Variants in REG1B observed in about 807,000 individuals in gnomAD.
The protein encoded by REG1B is lithostathine-1-beta.
Under a neutral mutation model 20.4 loss-of-function variants are expected in REG1B, and 21 were observed. The observed-to-expected ratio is 1.03, with a 90% confidence interval of 0.73 to 1.48. The LOEUF (loss-of-function observed/expected upper bound fraction) is 1.48, where lower values mean the gene tolerates loss of function less well. Among genes scored for constraint, REG1B ranks in the 40% most tolerant of loss-of-function variants. The pLI is 0.00. For synonymous variants in REG1B, 82 were observed against 73.4 expected (o/e 1.12, Z -0.60); for missense variants, 247 against 197.2 (o/e 1.25, Z -1.51).
intron 3 of REG1B, 78 bp downstream of exon 3, chr2:79,086,731 TGCA>T: frequency 7.1e-7 from 1 of 1,408,498 alleles, no homozygotes; most frequent in Non-Finnish European, 1.0e-6. Flanking sequence ...CTTATCTCAT[TGCA>T]GCCACAGAAC....
Position 79,087,574 on chromosome 2 carries a change from G to A in REG1B, c.39C>T (p.Ser13=). The A allele has an allele frequency of 6.2e-7, 1 of 1,613,916 alleles. No individual in the cohort carries two copies. The highest frequency in any genetic ancestry group is 1.3e-5 in the African/African-American group (1 of 75,020). ...CTTGGCTCAGAGACAGGAACATCAG[G>A]GAGGAGATCAGCATGAAGAACGAGT... The part of the protein sequence containing the change: ...QTNSFFMLIS[S]LMFLSLSQGQ... The change falls in exon 2 of 6, where the codon TCC becomes TCT. Residue 13 remains serine (S), a synonymous_variant. Transcript: ENST00000305089.
chr2:79,087,712 T>C, intron 1 of REG1B, 54 bp from the exon 2 acceptor site: 1 of 1,120,010 alleles, frequency 8.9e-7, no homozygotes, highest in Non-Finnish European at 1.3e-6. Flanking sequence ...GCACCTGTTA[T>C]CTTTCTAACA....
intron 2 of REG1B, 122 bp from the exon 3 acceptor site, chr2:79,087,052 C>T (rs755371939): frequency 6.6e-5 from 51 of 771,554 alleles, no homozygotes; most frequent in Admixed American, 1.3e-4. Flanking sequence ...AATACTGGGG[C>T]GATTGCTCAC....
intron 2 of REG1B, 32 bp downstream of exon 2, chr2:79,087,516 TG>T: frequency 5.6e-6 from 9 of 1,607,154 alleles, no homozygotes; most frequent in Non-Finnish European, 7.7e-6. Flanking sequence ...AATTCAGAGT[TG>T]GGGTTGTGGG....
chr2:79,087,046 C>G (rs1672411248), intron 2 of REG1B, 116 bp from the exon 3 acceptor site: 3 of 811,568 alleles, frequency 3.7e-6, no homozygotes, highest in Non-Finnish European at 6.2e-6. Flanking sequence ...ACAGTGAATA[C>G]TGGGGCGATT....
chr2:79,085,766 C>G (rs140621003), intron 4 of REG1B, 163 bp from the exon 5 acceptor site: 108 of 484,390 alleles, frequency 2.2e-4, no homozygotes, highest in African/African-American at 1.8e-3. Flanking sequence ...CTCTAAGCTT[C>G]TCCTTCTCTA....
Position 79,085,204 on chromosome 2 carries a change from T to C in REG1B, c.*12A>G. ...GCAGGACCAGTTCTAGACATCCATTTTTCAGCTTCCTCTAGTTTTTGAACT... is the reference window on the plus strand; with the variant it reads ...GCAGGACCAGTTCTAGACATCCATTCTTCAGCTTCCTCTAGTTTTTGAACT... On this transcript the variant is annotated 3_prime_UTR_variant, in exon 6 of 6. Coordinates refer to ENST00000305089, the MANE Select transcript of REG1B (RefSeq NM_006507.4). The C allele has an allele frequency of 6.2e-7, 1 of 1,605,222 alleles. No individual in the cohort carries two copies. Among genetic ancestry groups the C allele is most frequent in the Non-Finnish European group, 8.5e-7 (1 of 1,171,926 alleles).
chr2:79,087,229 T>A, intron 2 of REG1B: 1 of 532,492 alleles, frequency 1.9e-6, no homozygotes, highest in Non-Finnish European at 3.3e-6. Flanking sequence ...TTTCTCTCGG[T>A]TTCCCTGCAC....
At chr2:79,087,058 C>A in intron 2 of REG1B, 128 bp from the exon 3 acceptor site, 2 of 741,226 alleles carry the variant, frequency 2.7e-6, no homozygotes, top group Admixed American at 4.4e-5. Flanking sequence ...GGGGCGATTG[C>A]TCACTTCTGC....
chr2:79,086,981 A>T, intron 2 of REG1B, 51 bp from the exon 3 acceptor site: 1 of 1,464,172 alleles, frequency 6.8e-7, no homozygotes, highest in Non-Finnish European at 9.6e-7. Flanking sequence ...GGGCAAGGAA[A>T]AGGCTGGAAG....
In REG1B at chr2:79,085,563, T is replaced by A; in HGVS notation, c.362A>T (p.Tyr121Phe). 6.2e-7 allele frequency: 1 copy of A among 1,613,692 alleles called. No homozygotes were observed. Among genetic ancestry groups the A allele is most frequent in the Non-Finnish European group, 8.5e-7 (1 of 1,179,838 alleles). The change falls in exon 5 of 6, where the codon TAC becomes TTC. Residue 121 changes from tyrosine (Y) to phenylalanine (F), a missense_variant. Coordinates refer to ENST00000305089, the MANE Select transcript of REG1B (RefSeq NM_006507.4). Reference protein sequence around the residue: ...WHWSSGSLVSYKSWDTGSPSS... With the variant: ...WHWSSGSLVSFKSWDTGSPSS... The stretch of plus-strand genomic sequence containing the variant: ...CGGGGATCCAGTGTCCCAGGACTTG[T>A]AGGAGACCAGGGACCCACTACTCCA...
chr2:79,087,266 C>T, intron 2 of REG1B: 1 of 540,254 alleles, frequency 1.9e-6, no homozygotes, highest in Non-Finnish European at 3.3e-6. Context: ...TCCATCCTAG[C>T]AATGACTACA....
chr2:79,086,397 A>G lies in REG1B; in HGVS notation c.291T>C (p.Asn97=). Residue 97 remains asparagine, a synonymous_variant, in exon 4 of 6, where the codon AAT becomes AAC. Transcript: ENST00000305089. ...LIKESSTDDS[N]VWIGLHDPKK... ...TTGGGTCATGGAGGCCAATCCAGAC[A>G]TTGCTGTCATCAGTGCTACTCTCCT... 1 of 1,614,126 alleles carries G rather than the reference A, an allele frequency of 6.2e-7. No homozygotes were observed.
chr2:79,087,519 G>A (rs373401987), intron 2 of REG1B, 30 bp downstream of exon 2: 1 of 1,608,424 alleles, frequency 6.2e-7, no homozygotes, highest in Non-Finnish European at 8.5e-7. Flanking sequence ...TCAGAGTTGG[G>A]GTTGTGGGAA....
chr2:79,085,587 C>G lies in REG1B; in HGVS notation c.338G>C (p.Trp113Ser). Residue 113 changes from tryptophan to serine, a missense_variant, in exon 5 of 6, where the codon TGG becomes TCG. Transcript: ENST00000305089. ...HDPKKNRRWH[W>S]SSGSLVSYKS... ...GTAGGAGACCAGGGACCCACTACTC[C>G]AGTGCCAGCGGCGGTTCTAGATGGA... 6.2e-7 allele frequency: 1 copy of G among 1,612,914 alleles called. No homozygotes were observed. The highest frequency in any genetic ancestry group is 8.5e-7 in the Non-Finnish European group (1 of 1,179,468).
At position 79,085,047 on chromosome 2, in the gene REG1B, T is replaced by G; in HGVS notation, c.*169A>C. 1.6e-6 allele frequency: 1 copy of G among 606,820 alleles called. No homozygotes were observed. Among genetic ancestry groups the G allele is most frequent in the South Asian group, 2.1e-5 (1 of 48,252 alleles). 37.6% of individuals were successfully genotyped at this position (606,820 alleles called of 1,614,324 possible). A position where few individuals can be genotyped will look rare whatever the true frequency, so the allele number is the denominator to read the frequency against. ...ACACTGGATAAAAATAAGTTTGTTTTTATTTTTCAGGGCTCTAGAGACTGA... is the reference window on the plus strand; with the variant it reads ...ACACTGGATAAAAATAAGTTTGTTTGTATTTTTCAGGGCTCTAGAGACTGA... On this transcript the variant is annotated 3_prime_UTR_variant, in exon 6 of 6. Coordinates refer to ENST00000305089, the MANE Select transcript of REG1B (RefSeq NM_006507.4).
At chr2:79,086,692 A>G (rs1672404949) in intron 3 of REG1B, 120 bp downstream of exon 3, 2 of 1,306,612 alleles carry the variant, frequency 1.5e-6, no homozygotes, top group Non-Finnish European at 2.2e-6. Flanking sequence ...GAAGTTTGGG[A>G]CCAGTGGTGG....
Position 79,085,149 on chromosome 2 carries a change from T to C in REG1B, c.*67A>G. ...GGTCTGAACTGAGTTGGAGACATAG[T>C]CTAGTTTAATTTTTGACTTCATAGT... On this transcript the variant is annotated 3_prime_UTR_variant, in exon 6 of 6. Coordinates refer to ENST00000305089, the MANE Select transcript of REG1B (RefSeq NM_006507.4). The C allele has an allele frequency of 8.9e-7, 1 of 1,128,542 alleles. No individual in the cohort carries two copies. Among genetic ancestry groups the C allele is most frequent in the Non-Finnish European group, 1.4e-6 (1 of 739,774 alleles). The allele number at this position is 1,128,542 out of a possible 1,614,324, so 69.9% of individuals were successfully genotyped here.
intron 2 of REG1B, 29 bp downstream of exon 2, chr2:79,087,520 G>A (rs766727593): frequency 1.2e-6 from 2 of 1,609,696 alleles, no homozygotes; most frequent in Middle Eastern, 1.7e-4. Context: ...CAGAGTTGGG[G>A]TTGTGGGAAG....
Sources: gnomAD v4.1 joint callset for allele counts on GRCh38, gnomAD v4.1.1 for gene constraint, MANE v1.5 for transcripts, NCBI Gene and HGNC (gene_info 2026-07-23, HGNC 2026-07-21) for gene names.